Variants in IL26 observed in about 807,000 individuals in gnomAD.
IL26 encodes interleukin 26.
A neutral mutation model predicts 21.7 loss-of-function variants in IL26; 23 were observed. That is an observed-to-expected ratio of 1.06 (90% CI 0.76 to 1.50). The LOEUF is 1.50. IL26 is among the 40% of genes most tolerant of loss of function. The pLI is 0.00. For synonymous variants in IL26, 63 were observed against 67.8 expected, an observed-to-expected ratio of 0.93 and a Z score of 0.34; for missense variants, 204 against 196.0, an observed-to-expected ratio of 1.04 and a Z score of -0.24.
intron 3 of IL26, among the ~76,000 whole-genome samples, chr12:68,203,930 T>C (rs1868456958): frequency 6.6e-6 from 1 of 152,196 alleles, no homozygotes. Flanking sequence ...ATAAGAGCCC[T>C]GACTTCAGAA....
At chr12:68,202,106 A>G in intron 3 of IL26, 23 bp from the exon 4 acceptor site, 9 of 1,453,298 alleles carry the variant, frequency 6.2e-6, no homozygotes, top group Non-Finnish European at 6.6e-6. Flanking sequence ...CAGTAATTAC[A>G]GATAATATTG....
intron 3 of IL26, among the ~76,000 whole-genome samples, chr12:68,205,584 G>A (rs1343137807): frequency 6.6e-6 from 1 of 152,192 alleles, no homozygotes. Flanking sequence ...TAAGGATAAG[G>A]AGGAAGTGGA....
chr12:68,224,728 G>GAGGGAGGGAGAGGGAAGGAAGA (rs1869184505), intron 3 of IL26, among the ~76,000 whole-genome samples: 1 of 138,328 alleles, frequency 7.2e-6, no homozygotes, highest in Non-Finnish European at 1.6e-5. Context: ...GGGAAGGAAG[G>GAGGGAGGGAGAGGGAAGGAAGA]GAGGGAGGGA....
intron 3 of IL26, among the ~76,000 whole-genome samples, chr12:68,222,850 A>G (rs11570989): frequency 6.6e-6 from 1 of 152,188 alleles, no homozygotes; most frequent in African/African-American, 2.4e-5. Context: ...CAATAGGTTG[A>G]CCATTTATAC....
rs984676678 is a variant in IL26, at chr12:68,225,476, A to G, written c.196T>C (p.Leu66=). 1.3e-6 allele frequency: 2 copies of G among 1,589,938 alleles called. No individual in the cohort carries two copies. Among genetic ancestry groups the G allele is most frequent in the Admixed American group, 3.3e-5 (2 of 59,720 alleles). Residue 66 remains leucine (L), a synonymous_variant, in exon 2 of 5, where the codon TTA becomes CTA. Transcript: ENST00000229134. ...TGCTTTTTTGTTTTCTTTTTTAATA[A>G]TCGTATATTTTTTATGCGGTCTTCC... ...IPEDRIKNIR[L]LKKKTKKQFM...
intron 3 of IL26, among the ~76,000 whole-genome samples, chr12:68,206,676 A>G (rs1868552691): frequency 6.6e-6 from 1 of 152,232 alleles, no homozygotes; most frequent in Admixed American, 6.5e-5. Context: ...ACAAAACATT[A>G]AAGTTAGCCT....
In IL26 at chr12:68,225,464, TC is replaced by T; in HGVS notation, c.207del (p.Thr71GlnfsTer6). On this transcript the variant is annotated frameshift_variant, in exon 2 of 5. Coordinates refer to ENST00000229134, the MANE Select transcript of IL26 (RefSeq NM_018402.2). LOFTEE classifies it high-confidence loss of function. ...DRIKNIRLLK[K>X]KTKKQFMKNC... ...CTTACCATAAACTGCTTTTTTGTTT[TC>T]TTTTTTAATAATCGTATATTTTTTA... 6.3e-7 allele frequency: 1 copy of T among 1,587,848 alleles called. No individual in the cohort carries two copies. The highest frequency in any genetic ancestry group is 8.6e-7 in the Non-Finnish European group (1 of 1,157,230).
At position 68,225,291 on chromosome 12, in the gene IL26, T is replaced by C. The variant is rs1332299130; in HGVS notation, c.229-8A>G. On this transcript the variant is annotated splice_region_variant and splice_polypyrimidine_tract_variant and intron_variant, in intron 2 of 4. Transcript: ENST00000229134. ...TTGAAATTGACAGTTTTTCTAAAAA[T>C]AAGATACAAGAAATTGCATATGGTA... 2 of 1,604,830 alleles carry C rather than the reference T, an allele frequency of 1.2e-6. No individual in the cohort carries two copies. Among genetic ancestry groups the C allele is most frequent in the East Asian group, 2.2e-5 (1 of 44,776 alleles).
intron 3 of IL26, among the ~76,000 whole-genome samples, chr12:68,203,780 A>G (rs1009350337): frequency 1.3e-5 from 2 of 152,128 alleles, no homozygotes; most frequent in Admixed American, 1.3e-4. Context: ...CCTGCATAGG[A>G]GGGAAGAGAC....
intron 3 of IL26, among the ~76,000 whole-genome samples, chr12:68,205,441 T>A (rs1868513046): frequency 1.3e-5 from 2 of 152,150 alleles, no homozygotes; most frequent in South Asian, 4.1e-4. Flanking sequence ...TGTATTTTTA[T>A]AATGAAATAA....
In IL26 at chr12:68,204,141, ATTTTT is replaced by A. The variant is rs6144754; in HGVS notation, c.364-2063_364-2059del. 3.5e-3 allele frequency among the ~76,000 whole-genome samples: 392 copies of A among 113,194 alleles called. 3 individuals are homozygous for A. Among genetic ancestry groups the A allele is most frequent in the Non-Finnish European group, 5.8e-3 (329 of 56,818 alleles). The allele number at this position is 113,194 out of a possible 152,430, so 74.3% of individuals were successfully genotyped here. ...TAAAATCATGTGTTAGGATTCAAAG[ATTTTT>A]TTTTTTTTTTTTTTTGAGGCAGAGT... On this transcript the variant is annotated intron_variant, in intron 3 of 4. Coordinates refer to ENST00000229134, the MANE Select transcript of IL26 (RefSeq NM_018402.2).
chr12:68,220,141 T>G (rs1163464063), intron 3 of IL26, among the ~76,000 whole-genome samples: 2 of 152,018 alleles, frequency 1.3e-5, no homozygotes, highest in Admixed American at 6.6e-5. Flanking sequence ...GCCAAACATT[T>G]AAGAAAAAAT....
intron 3 of IL26, among the ~76,000 whole-genome samples, chr12:68,203,436 C>T (rs1014842066): frequency 1.3e-5 from 2 of 152,138 alleles, no homozygotes; most frequent in South Asian, 4.1e-4. Context: ...GAAAGGGAGA[C>T]CAAGGCCCAG....
At chr12:68,214,593 C>G (rs1868821912) in intron 3 of IL26, among the ~76,000 whole-genome samples, 1 of 152,152 alleles carries the variant, frequency 6.6e-6, no homozygotes, top group Non-Finnish European at 1.5e-5. Flanking sequence ...TAGTGACTTT[C>G]TACCCTCTTT....
At chr12:68,206,098 C>A (rs1868534352) in intron 3 of IL26, among the ~76,000 whole-genome samples, 2 of 152,212 alleles carry the variant, frequency 1.3e-5, no homozygotes, top group Non-Finnish European at 1.5e-5. Flanking sequence ...TTGATTAGTT[C>A]TGTTGTAAAT....
intron 3 of IL26, among the ~76,000 whole-genome samples, chr12:68,224,636 AG>A (rs1869179342): frequency 6.8e-6 from 1 of 147,434 alleles, no homozygotes; most frequent in African/African-American, 2.5e-5. Flanking sequence ...AAGTAAAGAA[AG>A]AAGGAAGGAA....
chr12:68,207,356 C>T (rs1868572914), intron 3 of IL26, among the ~76,000 whole-genome samples: 1 of 152,138 alleles, frequency 6.6e-6, no homozygotes, highest in Admixed American at 6.5e-5. Context: ...TGGTATTATT[C>T]AAGATTTATG....
chr12:68,214,566 A>G (rs1868821087), intron 3 of IL26, among the ~76,000 whole-genome samples: 2 of 152,042 alleles, frequency 1.3e-5, no homozygotes, highest in Non-Finnish European at 2.9e-5. Context: ...AGCTGAATTA[A>G]CCTCTTTATC....
intron 3 of IL26, among the ~76,000 whole-genome samples, chr12:68,205,710 GTC>G (rs1868521078): frequency 7.4e-6 from 1 of 135,616 alleles, no homozygotes; most frequent in Non-Finnish European, 1.7e-5. Flanking sequence ...AGTAATTTCT[GTC>G]TGACTTTTTT....
Sources: gnomAD v4.1 joint callset for allele counts (sites outside exome capture counted in the v4.1 genomes callset) on GRCh38, gnomAD v4.1.1 for gene constraint, MANE v1.5 for transcripts, NCBI Gene and HGNC (gene_info 2026-07-23, HGNC 2026-07-21) for gene names.